EIF2B3: variants seen among roughly 807,000 people sequenced by gnomAD.
EIF2B3 encodes translation initiation factor eIF2B subunit gamma.
A neutral mutation model predicts 54.1 loss-of-function variants in EIF2B3; 20 were observed. That is an observed-to-expected ratio of 0.37 (90% CI 0.26 to 0.54). EIF2B3 has a LOEUF of 0.54. Ranked by LOEUF, EIF2B3 falls within the 20% of genes least tolerant of loss-of-function variation. The probability of loss-of-function intolerance (pLI) is 0.86; values close to 1 mark genes in which losing one functional copy is unlikely to be tolerated. For missense variants in EIF2B3, 448 were observed against 547.8 expected (o/e 0.82, Z 1.82); for synonymous variants, 153 against 188.1 (o/e 0.81, Z 1.52).
At chr1:44,958,544 T>G in intron 3 of EIF2B3, 1 of 1,379,988 alleles carries the variant, frequency 7.2e-7, no homozygotes, top group Non-Finnish European at 1.0e-6. Flanking sequence ...TCTGGAGACC[T>G]CACTATCCTA....
chr1:44,966,216 G>A (rs1406958951), intron 3 of EIF2B3, among the ~76,000 whole-genome samples: 2 of 151,974 alleles, frequency 1.3e-5, no homozygotes, highest in Non-Finnish European at 2.9e-5. Context: ...GAGGAAGGAG[G>A]ATCACAAGGT....
chr1:44,890,662 T>C (rs1655765300), intron 6 of EIF2B3, among the ~76,000 whole-genome samples: 1 of 152,190 alleles, frequency 6.6e-6, no homozygotes, highest in African/African-American at 2.4e-5. Flanking sequence ...CCCCAAGGTA[T>C]AGGCTCTGGG....
chr1:44,914,982 C>A (rs952954172), intron 5 of EIF2B3, among the ~76,000 whole-genome samples: 1 of 151,616 alleles, frequency 6.6e-6, no homozygotes, highest in Non-Finnish European at 1.5e-5. Flanking sequence ...AGCCACCATG[C>A]CCCGCCCATT....
chr1:44,941,817 T>C, intron 3 of EIF2B3, 152 bp from the exon 4 acceptor site: 1 of 930,284 alleles, frequency 1.1e-6, no homozygotes, highest in Non-Finnish European at 1.7e-6. Context: ...TAAATGGGGT[T>C]GTTCTCATTG....
chr1:44,957,301 A>C (rs569624365), intron 3 of EIF2B3, among the ~76,000 whole-genome samples: 1 of 152,238 alleles, frequency 6.6e-6, no homozygotes, highest in Admixed American at 6.5e-5. Flanking sequence ...GTCAAAAGAC[A>C]TCAAACTGCT....
chr1:44,941,457 T>C (rs1446426803), intron 4 of EIF2B3, 49 bp downstream of exon 4: 1 of 1,563,422 alleles, frequency 6.4e-7, no homozygotes, highest in Non-Finnish European at 8.6e-7. Context: ...TGAGTGAGAA[T>C]AATAATTACG....
intron 2 of EIF2B3, 143 bp from the exon 3 acceptor site, chr1:44,978,603 G>A: frequency 2.3e-6 from 1 of 442,272 alleles, no homozygotes; most frequent in Non-Finnish European, 3.7e-6. Context: ...TATTTTACCT[G>A]CATTCCCCCA....
chr1:44,866,337 G>A (rs1654777696), intron 10 of EIF2B3, among the ~76,000 whole-genome samples: 1 of 151,516 alleles, frequency 6.6e-6, no homozygotes, highest in African/African-American at 2.4e-5. Flanking sequence ...GGTGGAGGTT[G>A]CAGTTAGCTG....
chr1:44,903,097 G>C (rs1643346198), intron 5 of EIF2B3, among the ~76,000 whole-genome samples: 1 of 151,998 alleles, frequency 6.6e-6, no homozygotes, highest in Non-Finnish European at 1.5e-5. Context: ...GAACTTTTCT[G>C]AGATTTGCTT....
chr1:44,953,078 G>A (rs1408168063), intron 3 of EIF2B3, among the ~76,000 whole-genome samples: 3 of 150,198 alleles, frequency 2.0e-5, no homozygotes, highest in Non-Finnish European at 3.0e-5. Flanking sequence ...TCTCCTCTTT[G>A]GGATCACTCC....
intron 8 of EIF2B3, among the ~76,000 whole-genome samples, 170 bp from the exon 9 acceptor site, chr1:44,875,865 G>A (rs563896846): frequency 2.6e-4 from 39 of 152,216 alleles, no homozygotes; most frequent in African/African-American, 9.1e-4. Flanking sequence ...CTGCCATCTC[G>A]GCTCACTGCA....
chr1:44,927,178 A>G (rs1232956786), intron 4 of EIF2B3, among the ~76,000 whole-genome samples: 1 of 152,118 alleles, frequency 6.6e-6, no homozygotes, highest in Non-Finnish European at 1.5e-5. Context: ...AGGAGCTATA[A>G]TAAGTGCGTT....
At chr1:44,978,623 T>C (rs1401124895) in intron 2 of EIF2B3, among the ~76,000 whole-genome samples, 163 bp from the exon 3 acceptor site, 1 of 35,878 alleles carries the variant, frequency 2.8e-5, no homozygotes, top group Non-Finnish European at 5.6e-5. Context: ...AATAAATTCT[T>C]TTTTTTTTTT....
chr1:44,884,073 A>G (rs1023514491), intron 6 of EIF2B3, among the ~76,000 whole-genome samples: 10 of 152,194 alleles, frequency 6.6e-5, no homozygotes, highest in African/African-American at 2.4e-4. Context: ...TCCTGGACTC[A>G]AGCAGTCCTC....
At chr1:44,970,345 C>A (rs181887334) in intron 3 of EIF2B3, among the ~76,000 whole-genome samples, 7 of 152,258 alleles carry the variant, frequency 4.6e-5, no homozygotes, top group African/African-American at 1.7e-4. Flanking sequence ...ACTACTCTGG[C>A]CTTTGTCTGA....
At chr1:44,942,680 G>A (rs1049463875) in intron 3 of EIF2B3, among the ~76,000 whole-genome samples, 5 of 149,560 alleles carry the variant, frequency 3.3e-5, no homozygotes, top group Non-Finnish European at 5.9e-5. Flanking sequence ...CACTCACCTC[G>A]GCCTCCCAAA....
At chr1:44,873,464 A>G (rs957087330) in intron 10 of EIF2B3, among the ~76,000 whole-genome samples, 6 of 151,954 alleles carry the variant, frequency 3.9e-5, no homozygotes, top group African/African-American at 1.5e-4. Context: ...TTCCCTTTCC[A>G]TCTTTCATCC....
At chr1:44,971,332 C>T (rs940646632) in intron 3 of EIF2B3, among the ~76,000 whole-genome samples, 6 of 150,244 alleles carry the variant, frequency 4.0e-5, no homozygotes, top group East Asian at 2.0e-4. Context: ...GCAGTGAGCC[C>T]GCACTCCAGC....
rs912709486 is a variant in EIF2B3, at chr1:44,934,959, C to G, written c.454+6547G>C. Among the ~76,000 whole-genome samples the G allele has an allele frequency of 6.6e-5, 10 of 152,306 alleles. No homozygotes were observed. The East Asian group carries it at 1.3e-3, about 21-fold the overall frequency. On this transcript the variant is annotated intron_variant, in intron 4 of 11. Coordinates refer to ENST00000360403, the MANE Select transcript of EIF2B3 (RefSeq NM_020365.5). ...TACTGTACAGGCTCAGAACTGCCTG[C>G]CAACATCTGTTAGTGCAGAGGGAGC...
Sources: allele counts gnomAD v4.1 joint callset (sites outside exome capture counted in the v4.1 genomes callset), GRCh38; gene constraint gnomAD v4.1.1; transcripts MANE v1.5; gene names NCBI Gene and HGNC (gene_info 2026-07-23, HGNC 2026-07-21).